CNST: variants seen among roughly 807,000 people sequenced by gnomAD.
CNST encodes the protein consortin.
In CNST, 39 loss-of-function variants were observed where a neutral mutation model predicts 72.4. The ratio of observed to expected loss-of-function variants is 0.54; its 90% CI spans 0.42 to 0.70. The LOEUF (loss-of-function observed/expected upper bound fraction) is 0.70, where lower values mean the gene tolerates loss of function less well. CNST is among the 30% of genes least tolerant of loss of function. The probability of loss-of-function intolerance (pLI) is 0.00; values close to 1 mark genes in which losing one functional copy is unlikely to be tolerated. For synonymous variants in CNST, 332 were observed against 320.1 expected (o/e 1.04, Z -0.40); for missense variants, 871 against 868.5 (o/e 1.00, Z -0.04).
chr1:246,606,318 T>G (rs1352257696), intron 2 of CNST: 1 of 151,966 alleles, frequency 6.6e-6, no homozygotes, highest in East Asian at 1.9e-4. Flanking sequence ...ACCACCCTCC[T>G]AGAAGGTTTG....
chr1:246,585,313 T>C (rs1661063109), intron 1 of CNST, among the ~76,000 whole-genome samples: 1 of 152,148 alleles, frequency 6.6e-6, no homozygotes, highest in Non-Finnish European at 1.5e-5. Context: ...AGTCTGCCCT[T>C]GCCAGAAGTA....
intron 1 of CNST, among the ~76,000 whole-genome samples, chr1:246,571,010 A>G (rs182639086): frequency 6.6e-6 from 1 of 152,312 alleles, no homozygotes; most frequent in African/African-American, 2.4e-5. Flanking sequence ...TGTAGGAATC[A>G]TTCTCATGGG....
chr1:246,659,689 C>T (rs963943933), intron 9 of CNST, among the ~76,000 whole-genome samples: 1 of 151,974 alleles, frequency 6.6e-6, no homozygotes, highest in Non-Finnish European at 1.5e-5. Flanking sequence ...TTAGTAAATG[C>T]GTAGTTTCTC....
intron 9 of CNST, among the ~76,000 whole-genome samples, chr1:246,658,699 TAGTCACTGAGGCCAGCA>T (rs1216875125): frequency 8.5e-5 from 13 of 152,222 alleles, no homozygotes; most frequent in Admixed American, 2.0e-4. Flanking sequence ...ATCCTCAGCT[TAGTCACTGAGGCCAGCA>T]AGTCACTGAT....
chr1:246,624,306 AAAG>A (rs1203485713), intron 3 of CNST, among the ~76,000 whole-genome samples: 2 of 152,156 alleles, frequency 1.3e-5, no homozygotes, highest in Non-Finnish European at 2.9e-5. Flanking sequence ...CTCTCCTGGG[AAAG>A]AAGGTTAGAG....
chr1:246,654,919 T>C (rs988019736), intron 9 of CNST, among the ~76,000 whole-genome samples: 1 of 152,186 alleles, frequency 6.6e-6, no homozygotes, highest in Non-Finnish European at 1.5e-5. Context: ...CCTGCTCTCA[T>C]AAAGCTTACT....
intron 6 of CNST, among the ~76,000 whole-genome samples, chr1:246,636,428 G>A (rs562283010): frequency 4.7e-4 from 71 of 152,250 alleles, no homozygotes; most frequent in African/African-American, 1.7e-3. Flanking sequence ...TCACTCCTGC[G>A]GGCTCCCCCG....
chr1:246,641,883 C>T, intron 7 of CNST, 58 bp from the exon 8 acceptor site: 1 of 1,421,020 alleles, frequency 7.0e-7, no homozygotes, highest in South Asian at 1.2e-5. Flanking sequence ...TTTTCAGCTT[C>T]CTAGTTTAAT....
intron 2 of CNST, among the ~76,000 whole-genome samples, chr1:246,599,683 A>C (rs1476624830): frequency 6.6e-6 from 1 of 152,230 alleles, no homozygotes; most frequent in Non-Finnish European, 1.5e-5. Flanking sequence ...TAAAGCGAGC[A>C]GCATATTTAT....
intron 4 of CNST, 69 bp from the exon 5 acceptor site, chr1:246,633,855 C>T: frequency 2.0e-6 from 2 of 1,025,142 alleles, no homozygotes; most frequent in Non-Finnish European, 3.1e-6. Context: ...ATCTATAGGA[C>T]ATTGTTCTTC....
At chr1:246,640,595 A>G (rs1665622446) in intron 6 of CNST, among the ~76,000 whole-genome samples, 1 of 152,102 alleles carries the variant, frequency 6.6e-6, no homozygotes, top group African/African-American at 2.4e-5. Context: ...TCTCAATACA[A>G]AGGCTAAAAG....
chr1:246,635,585 C>T (rs1026840286), intron 6 of CNST, among the ~76,000 whole-genome samples: 7 of 152,202 alleles, frequency 4.6e-5, no homozygotes, highest in East Asian at 1.9e-4. Flanking sequence ...TACCACAGAC[C>T]GCACCCTCTT....
chr1:246,650,088 A>G (rs1411554850), intron 9 of CNST, among the ~76,000 whole-genome samples: 2 of 152,138 alleles, frequency 1.3e-5, no homozygotes, highest in Admixed American at 6.5e-5. Context: ...GAGTCATCCT[A>G]TTTCTAAGAA....
chr1:246,582,054 C>T (rs150711614), intron 1 of CNST, among the ~76,000 whole-genome samples: 28 of 152,154 alleles, frequency 1.8e-4, no homozygotes, highest in Admixed American at 4.6e-4. Flanking sequence ...AAGTCAAGTA[C>T]GCAGTTGTTA....
intron 2 of CNST, among the ~76,000 whole-genome samples, chr1:246,604,869 A>G (rs1408214354): frequency 6.6e-6 from 1 of 152,124 alleles, no homozygotes; most frequent in Admixed American, 6.5e-5. Flanking sequence ...GGGTTTTACC[A>G]TATTGGCCAG....
intron 6 of CNST, among the ~76,000 whole-genome samples, chr1:246,636,396 T>A (rs1665242821): frequency 6.6e-6 from 1 of 152,124 alleles, no homozygotes; most frequent in African/African-American, 2.4e-5. Context: ...GGGGAAGGTC[T>A]ATCCCATGCC....
intron 9 of CNST, among the ~76,000 whole-genome samples, chr1:246,659,414 G>A (rs1234481330): frequency 6.6e-6 from 1 of 152,144 alleles, no homozygotes; most frequent in African/African-American, 2.4e-5. Context: ...CTAACTCGGT[G>A]AAACCCCGTC....
At chr1:246,625,116 G>A (rs1175263370) in intron 3 of CNST, among the ~76,000 whole-genome samples, 1 of 152,172 alleles carries the variant, frequency 6.6e-6, no homozygotes, top group African/African-American at 2.4e-5. Context: ...TCAACCCCAA[G>A]AAATGAGTCA....
chr1:246,650,676 C>CTTTTTTTT (rs10693662), intron 9 of CNST, among the ~76,000 whole-genome samples: 3 of 127,678 alleles, frequency 2.3e-5, no homozygotes, highest in Non-Finnish European at 4.8e-5. Flanking sequence ...TTAATTCAAA[C>CTTTTTTTT]TTTTTTTTTT....
Sources: gnomAD v4.1 joint callset for allele counts (sites outside exome capture counted in the v4.1 genomes callset) on GRCh38, gnomAD v4.1.1 for gene constraint, MANE v1.5 for transcripts, NCBI Gene and HGNC (gene_info 2026-07-23, HGNC 2026-07-21) for gene names.